Variants in MAPK10 observed in about 807,000 individuals in gnomAD.
MAPK10 encodes mitogen-activated protein kinase 10.
Under a neutral mutation model 59.3 loss-of-function variants are expected in MAPK10, and 25 were observed. The observed-to-expected ratio is 0.42, with a 90% confidence interval of 0.31 to 0.59. The LOEUF is 0.59. Ranked by LOEUF, MAPK10 falls within the 20% of genes least tolerant of loss-of-function variation. MAPK10 has a pLI of 0.15. For synonymous variants in MAPK10, 190 were observed against 200.5 expected (o/e 0.95, Z 0.44); for missense variants, 351 against 568.9 (o/e 0.62, Z 3.90).
At chr4:86,569,532 C>T (rs1038358236) in intron 1 of MAPK10, among the ~76,000 whole-genome samples, 3 of 152,104 alleles carry the variant, frequency 2.0e-5, no homozygotes, top group Non-Finnish European at 4.4e-5. Context: ...TTCACACTAG[C>T]AAGGTCATGG....
intron 4 of MAPK10, among the ~76,000 whole-genome samples, chr4:86,127,184 G>A (rs1423668556): frequency 7.2e-6 from 1 of 139,632 alleles, no homozygotes; most frequent in Non-Finnish European, 1.5e-5. Context: ...AAGTTGTTAG[G>A]AGAATTAAGT....
At chr4:86,294,736 G>A (rs2095313517) in intron 2 of MAPK10, among the ~76,000 whole-genome samples, 1 of 152,124 alleles carries the variant, frequency 6.6e-6, no homozygotes, top group Non-Finnish European at 1.5e-5. Context: ...GTGAGGAGAG[G>A]AGAGACCAGG....
chr4:86,059,099 A>G (rs2045216164), intron 11 of MAPK10, among the ~76,000 whole-genome samples: 1 of 152,220 alleles, frequency 6.6e-6, no homozygotes, highest in Admixed American at 6.5e-5. Flanking sequence ...ATCAAAGTTT[A>G]CATATTTGTG....
chr4:86,024,458 C>T (rs760122969), intron 13 of MAPK10: 34 of 152,212 alleles, frequency 2.2e-4, no homozygotes, highest in African/African-American at 7.5e-4. Context: ...TGGAATATTC[C>T]GAGTGTTATG....
At chr4:86,334,746 T>TA (rs1720037483) in intron 2 of MAPK10, among the ~76,000 whole-genome samples, 1 of 66,688 alleles carries the variant, frequency 1.5e-5, no homozygotes, top group African/African-American at 4.6e-5. Flanking sequence ...CTATGCTCAT[T>TA]AAAAAAACAA....
intron 1 of MAPK10, among the ~76,000 whole-genome samples, chr4:86,396,067 C>A (rs1292769828): frequency 6.6e-6 from 1 of 152,166 alleles, no homozygotes; most frequent in Non-Finnish European, 1.5e-5. Context: ...TGTTTCCGGC[C>A]GGGCGAGGTG....
At chr4:86,440,766 A>C (rs1442113127) in intron 1 of MAPK10, among the ~76,000 whole-genome samples, 1 of 152,240 alleles carries the variant, frequency 6.6e-6, no homozygotes, top group East Asian at 1.9e-4. Context: ...AAAAGTATTC[A>C]TGATAAATCA....
rs1195798163 is a variant in MAPK10, at chr4:86,482,136, C to A, written c.-263+111774G>T. Among the ~76,000 whole-genome samples, 5 of 152,264 alleles carry A rather than the reference C, an allele frequency of 3.3e-5. No homozygotes were observed. In the East Asian group the frequency reaches 7.7e-4, roughly 23 times the overall value. On this transcript the variant is annotated intron_variant, in intron 1 of 4. Transcript: ENST00000502302. ...TGTTGGCCTTGTTTATCCATGAAAA[C>A]TCTTACAAGTTTCATAAATTTTAAA... is the stretch of plus-strand genomic sequence containing the variant.
intron 11 of MAPK10, among the ~76,000 whole-genome samples, chr4:86,049,253 G>C (rs2043073873): frequency 6.6e-6 from 1 of 152,012 alleles, no homozygotes. Flanking sequence ...GTTGATGACT[G>C]TCTCTCAGGT....
At chr4:86,484,373 A>G (rs1753829177) in intron 1 of MAPK10, among the ~76,000 whole-genome samples, 1 of 152,160 alleles carries the variant, frequency 6.6e-6, no homozygotes, top group South Asian at 2.1e-4. Flanking sequence ...TCTAGCAGCT[A>G]AGAACGGAGG....
chr4:86,136,435 A>G (rs1487504248), intron 4 of MAPK10, among the ~76,000 whole-genome samples: 1 of 151,882 alleles, frequency 6.6e-6, no homozygotes, highest in African/African-American at 2.4e-5. Context: ...CAGCCAAACT[A>G]AGCTTCATAA....
chr4:86,581,700 G>A (rs1762282654), intron 1 of MAPK10, among the ~76,000 whole-genome samples: 1 of 146,526 alleles, frequency 6.8e-6, no homozygotes, highest in Admixed American at 6.8e-5. Flanking sequence ...GTGTGTGTGT[G>A]TGTGTGTGTG....
At position 86,012,061 on chromosome 4, in the gene MAPK10, T is replaced by C. The variant is rs1332675094; in HGVS notation, c.*5167A>G. The C allele has an allele frequency of 6.6e-6, 1 of 152,174 alleles. No individual in the cohort carries two copies. The highest frequency in any genetic ancestry group is 6.6e-5 in the Admixed American group (1 of 15,262). 9.4% of individuals were successfully genotyped at this position (152,174 alleles called of 1,614,324 possible). ...TTAAAATGAATAGAAATCTGATAAT[T>C]AATCTGGGAAATTTAACCCTGCTCT... On this transcript the variant is annotated 3_prime_UTR_variant, in exon 14 of 14. Transcript: ENST00000641462.
intron 1 of MAPK10, among the ~76,000 whole-genome samples, chr4:86,543,395 C>T (rs896218254): frequency 2.6e-5 from 4 of 152,138 alleles, no homozygotes; most frequent in Non-Finnish European, 4.4e-5. Context: ...TCTAAAAATC[C>T]TCCCTGGCTT....
intron 1 of MAPK10, among the ~76,000 whole-genome samples, chr4:86,588,766 T>C (rs1431364703): frequency 1.3e-5 from 2 of 152,192 alleles, no homozygotes; most frequent in Non-Finnish European, 2.9e-5. Context: ...TACAGAAACT[T>C]TTTATTATAT....
intron 2 of MAPK10, among the ~76,000 whole-genome samples, chr4:86,308,384 G>A (rs1057435363): frequency 7.2e-5 from 11 of 152,020 alleles, no homozygotes; most frequent in African/African-American, 2.7e-4. Flanking sequence ...CTATATTTCT[G>A]CTATAGCTTA....
chr4:86,469,166 G>A (rs1752456608), intron 1 of MAPK10, among the ~76,000 whole-genome samples: 1 of 151,498 alleles, frequency 6.6e-6, no homozygotes, highest in Non-Finnish European at 1.5e-5. Context: ...TTGGGAAGCT[G>A]AGGTGGTTGT....
intron 9 of MAPK10, among the ~76,000 whole-genome samples, chr4:86,077,054 T>G (rs1173835372): frequency 1.3e-5 from 2 of 152,266 alleles, no homozygotes; most frequent in East Asian, 3.9e-4. Flanking sequence ...TAAGAATTAT[T>G]TGACAGTAAA....
At chr4:86,450,776 A>T (rs766448031) in intron 1 of MAPK10, among the ~76,000 whole-genome samples, 9 of 152,258 alleles carry the variant, frequency 5.9e-5, no homozygotes, top group Non-Finnish European at 1.2e-4. Flanking sequence ...CATAAAGCAA[A>T]CTGTTCCAGC....
Sources: allele counts gnomAD v4.1 joint callset (sites outside exome capture counted in the v4.1 genomes callset), GRCh38; gene constraint gnomAD v4.1.1; transcripts MANE v1.5; gene names NCBI Gene and HGNC (gene_info 2026-07-23, HGNC 2026-07-21).